Variants in ATP6V1C2 observed in about 807,000 individuals in gnomAD.
The protein encoded by ATP6V1C2 is ATPase H+ transporting V1 subunit C2.
A neutral mutation model predicts 56.8 loss-of-function variants in ATP6V1C2; 45 were observed. That is an observed-to-expected ratio of 0.79 (90% CI 0.62 to 1.02). The LOEUF (loss-of-function observed/expected upper bound fraction) is 1.02. Ranked by LOEUF, ATP6V1C2 falls within the 50% of genes least tolerant of loss-of-function variation. ATP6V1C2 has a pLI of 0.00. For missense variants in ATP6V1C2, 463 were observed against 519.7 expected (o/e 0.89, Z 1.06); for synonymous variants, 220 against 201.3 (o/e 1.09, Z -0.79).
chr2:10,739,381 C>A (rs1464217953), intron 3 of ATP6V1C2, among the ~76,000 whole-genome samples: 3 of 152,116 alleles, frequency 2.0e-5, no homozygotes, highest in African/African-American at 7.2e-5. Context: ...AAAATTCTTA[C>A]TTGCGACCCT....
chr2:10,736,689 AT>A (rs1007154369), intron 3 of ATP6V1C2, among the ~76,000 whole-genome samples: 6 of 140,390 alleles, frequency 4.3e-5, no homozygotes, highest in Admixed American at 1.4e-4. Flanking sequence ...TGCTTAGTTC[AT>A]TTTTTTTTGT....
intron 3 of ATP6V1C2, among the ~76,000 whole-genome samples, chr2:10,742,956 C>T (rs954119102): frequency 6.6e-6 from 1 of 152,218 alleles, no homozygotes; most frequent in Non-Finnish European, 1.5e-5. Flanking sequence ...TGCCCTGCCT[C>T]ACACCTGGGC....
intron 3 of ATP6V1C2, among the ~76,000 whole-genome samples, chr2:10,741,616 C>T (rs1662555265): frequency 6.6e-6 from 1 of 152,114 alleles, no homozygotes; most frequent in Non-Finnish European, 1.5e-5. Flanking sequence ...CACCTGCTTT[C>T]ACGGATGGAG....
intron 12 of ATP6V1C2, among the ~76,000 whole-genome samples, chr2:10,781,489 T>C (rs78225934): frequency 2.6e-5 from 4 of 151,022 alleles, no homozygotes; most frequent in East Asian, 1.9e-4. Context: ...AAAAAAAAAA[T>C]AGATAAATAA....
At chr2:10,759,387 C>A (rs942500431) in intron 4 of ATP6V1C2, among the ~76,000 whole-genome samples, 2 of 152,214 alleles carry the variant, frequency 1.3e-5, no homozygotes, top group African/African-American at 2.4e-5. Flanking sequence ...GCTTGTCTGG[C>A]TTGCTGGGCG....
At position 10,771,867 on chromosome 2, in the gene ATP6V1C2, G is replaced by C; in HGVS notation, c.499G>C (p.Asp167His). The change falls in exon 7 of 14, where the codon GAT becomes CAT. Residue 167 changes from aspartate to histidine, a missense_variant. By Grantham distance (81) the Asp-to-His change is moderately conservative (BLOSUM62 -1). Coordinates refer to ENST00000272238, the MANE Select transcript of ATP6V1C2 (RefSeq NM_001039362.2). ...GAACCTCTTCACCCGGACACTGAGTGATATTGTGAGCAAAGAGGACTTCGT... is the reference window on the plus strand; with the variant it reads ...GAACCTCTTCACCCGGACACTGAGTCATATTGTGAGCAAAGAGGACTTCGT... ...MGNLFTRTLS[D>H]IVSKEDFVLD... 6.2e-7 allele frequency: 1 copy of C among 1,614,156 alleles called. No individual in the cohort carries two copies. Among genetic ancestry groups the C allele is most frequent in the Non-Finnish European group, 8.5e-7 (1 of 1,180,006 alleles).
chr2:10,775,965 T>C (rs1052659119), intron 10 of ATP6V1C2, among the ~76,000 whole-genome samples: 4 of 152,090 alleles, frequency 2.6e-5, no homozygotes, highest in African/African-American at 9.7e-5. Context: ...AGGACTCCCA[T>C]GGGGAGGAGC....
chr2:10,760,023 G>GTT (rs1405939914), intron 4 of ATP6V1C2, among the ~76,000 whole-genome samples: 25 of 77,874 alleles, frequency 3.2e-4, no homozygotes, highest in African/African-American at 1.2e-3. Context: ...GCAGTTTTTT[G>GTT]TTTTTTGTTT....
intron 13 of ATP6V1C2, 62 bp downstream of exon 13, chr2:10,782,437 G>A: frequency 6.3e-7 from 1 of 1,578,458 alleles, no homozygotes; most frequent in Non-Finnish European, 8.6e-7. Flanking sequence ...TCAAAAAACT[G>A]GTATCTGCCT....
chr2:10,756,310 A>G (rs916362747), intron 4 of ATP6V1C2, among the ~76,000 whole-genome samples: 2 of 152,106 alleles, frequency 1.3e-5, no homozygotes, highest in African/African-American at 4.8e-5. Context: ...CTGTGAGCCG[A>G]GATCGCACCA....
At chr2:10,772,688 T>C in intron 8 of ATP6V1C2, 78 bp downstream of exon 8, 1 of 1,289,202 alleles carries the variant, frequency 7.8e-7, no homozygotes, top group South Asian at 1.2e-5. Flanking sequence ...CCACCAAACA[T>C]GCCCCGAGGG....
chr2:10,760,876 A>C (rs1373501338), intron 4 of ATP6V1C2, among the ~76,000 whole-genome samples: 1 of 152,176 alleles, frequency 6.6e-6, no homozygotes, highest in Non-Finnish European at 1.5e-5. Context: ...CTTGATCTGA[A>C]ATGTATCTCT....
At chr2:10,757,424 C>T (rs1302052552) in intron 4 of ATP6V1C2, 4 of 398,434 alleles carry the variant, frequency 1.0e-5, no homozygotes, top group South Asian at 1.3e-4. Context: ...TATTATATTG[C>T]AGGCTTGAAA....
rs1665609757 is a variant in ATP6V1C2 at position 10,784,541 on chromosome 2, A to G, written c.*1278A>G. On this transcript the variant is annotated 3_prime_UTR_variant, in exon 14 of 14. Transcript: ENST00000272238. ...ACATTTCAACATCACATCACTCACC[A>G]TTTTAACACTGGAAGCCACTTGAAC... The G allele has an allele frequency of 3.9e-6, 2 of 514,046 alleles. No individual in the cohort carries two copies. The highest frequency in any genetic ancestry group is 3.0e-5 in the East Asian group (1 of 32,880). The allele number at this position is 514,046 out of a possible 1,614,324, so 31.8% of individuals were successfully genotyped here. A position where few individuals can be genotyped will look rare whatever the true frequency, so the allele number is the denominator to read the frequency against.
At chr2:10,747,853 TTTTTTCTTTTTC>T (rs1000026625) in intron 3 of ATP6V1C2, among the ~76,000 whole-genome samples, 32 of 152,166 alleles carry the variant, frequency 2.1e-4, no homozygotes, top group African/African-American at 7.2e-4. Flanking sequence ...TTTTGACTTT[TTTTTTCTTTTTC>T]TTTTTCTTTT....
chr2:10,765,230 A>G lies in ATP6V1C2; in HGVS notation c.378+805A>G, dbSNP rs969458364. 2.6e-5 allele frequency among the ~76,000 whole-genome samples: 4 copies of G among 152,144 alleles called. No homozygotes were observed. In the East Asian group the frequency reaches 7.7e-4, roughly 29 times the overall value. ...AATGGCCTCCACTCCACTTGATAAAATGAACACCCTGTGACTCGAGTCCCA... is the reference window on the plus strand; with the variant it reads ...AATGGCCTCCACTCCACTTGATAAAGTGAACACCCTGTGACTCGAGTCCCA... On this transcript the variant is annotated intron_variant, in intron 5 of 13. Transcript: ENST00000272238.
chr2:10,764,215 G>A (rs556523857), intron 4 of ATP6V1C2, 116 bp from the exon 5 acceptor site: 32 of 883,158 alleles, frequency 3.6e-5, no homozygotes, highest in South Asian at 1.5e-4. Flanking sequence ...GCCCGCCGGC[G>A]TTGCCCATGA....
At chr2:10,767,962 A>G (rs1664337526) in intron 5 of ATP6V1C2, 1 of 152,178 alleles carries the variant, frequency 6.6e-6, no homozygotes, top group Non-Finnish European at 1.5e-5. Flanking sequence ...AAATGTGTAT[A>G]TTTAGACTAA....
intron 3 of ATP6V1C2, among the ~76,000 whole-genome samples, chr2:10,731,083 C>T (rs1661925268): frequency 6.6e-6 from 1 of 152,172 alleles, no homozygotes; most frequent in Non-Finnish European, 1.5e-5. Flanking sequence ...TCTCAAGTAG[C>T]TGGGACCACA....
Sources: allele counts gnomAD v4.1 joint callset (sites outside exome capture counted in the v4.1 genomes callset), GRCh38; gene constraint gnomAD v4.1.1; transcripts MANE v1.5; gene names NCBI Gene and HGNC (gene_info 2026-07-23, HGNC 2026-07-21).